Variants in SEC31A observed in about 807,000 individuals in gnomAD.
SEC31A encodes the protein SEC31 homolog A, COPII component.
SEC31A carries 70 observed loss-of-function variants against 151.0 expected under a neutral mutation model. The observed-to-expected ratio is 0.46, with a 90% CI of 0.38 to 0.57. SEC31A has a LOEUF of 0.57. Among genes scored for constraint, SEC31A ranks in the 20% least tolerant of loss-of-function variants. SEC31A has a pLI of 0.00. For synonymous variants in SEC31A, 475 were observed against 505.9 expected (o/e 0.94, Z 0.82); for missense variants, 1,330 against 1,471.2 (o/e 0.90, Z 1.57).
chr4:82,824,507 G>T (rs1724104939), intron 25 of SEC31A, 48 bp downstream of exon 25: 2 of 1,595,242 alleles, frequency 1.3e-6, no homozygotes, highest in East Asian at 4.5e-5. Flanking sequence ...ACCTGGCCAA[G>T]GATTCTTCTA....
Position 82,861,674 on chromosome 4 carries a change from T to A in SEC31A, c.1583A>T (p.Asp528Val), listed in dbSNP as rs142250139. 354 of 1,611,882 alleles carry A rather than the reference T, an allele frequency of 2.2e-4. No homozygotes were observed. The African/African-American group carries it at 3.8e-3, about 17-fold the overall frequency. Residue 528 changes from aspartate (D) to valine (V), a missense_variant, in exon 14 of 27, where the codon GAT becomes GTT. Transcript: ENST00000395310. ...TTCAGCAGCAGGGCTCTCCTCCCCA[T>A]CACTCTGTGCTACTTGGTCAGAGTC... is the stretch of plus-strand genomic sequence containing the variant. ...LKDSDQVAQS[D>V]GEESPAAEEQ...
At chr4:82,866,236 C>T (rs1560639688) in intron 10 of SEC31A, among the ~76,000 whole-genome samples, 3 of 151,938 alleles carry the variant, frequency 2.0e-5, no homozygotes, top group Non-Finnish European at 2.9e-5. Context: ...TTTGGGAGGC[C>T]GAAGCGGGTG....
At chr4:82,836,797 ATATAGT>A (rs1727423212) in intron 22 of SEC31A, among the ~76,000 whole-genome samples, 1 of 152,154 alleles carries the variant, frequency 6.6e-6, no homozygotes, top group Non-Finnish European at 1.5e-5. Flanking sequence ...GGGTACAAAA[ATATAGT>A]TAGATAGAAC....
At chr4:82,827,772 A>C (rs1205776275) in intron 23 of SEC31A, 140 bp from the exon 24 acceptor site, 2 of 785,488 alleles carry the variant, frequency 2.5e-6, no homozygotes, top group Non-Finnish European at 4.1e-6. Flanking sequence ...TTTTCAAATG[A>C]AATTTTATGC....
At chr4:82,876,698 T>TACC (rs1319738330) in intron 4 of SEC31A, among the ~76,000 whole-genome samples, 1 of 152,180 alleles carries the variant, frequency 6.6e-6, no homozygotes, top group East Asian at 1.9e-4. Context: ...CTCTGGTACA[T>TACC]ACCTTAAGGG....
intron 22 of SEC31A, among the ~76,000 whole-genome samples, chr4:82,835,944 G>A (rs993457636): frequency 5.3e-5 from 8 of 152,156 alleles, no homozygotes; most frequent in African/African-American, 1.4e-4. Flanking sequence ...GCATGGATGT[G>A]GAGAAACTGA....
At chr4:82,900,561 G>A (rs906553991), upstream of SEC31A, 9 of 545,374 alleles carry the variant, frequency 1.7e-5, no homozygotes, top group East Asian at 9.3e-5. Flanking sequence ...GGGAGGAGCG[G>A]TCAAATGCAC....
chr4:82,888,984 A>G (rs1317373163), intron 1 of SEC31A, among the ~76,000 whole-genome samples: 1 of 152,256 alleles, frequency 6.6e-6, no homozygotes, highest in Non-Finnish European at 1.5e-5. Context: ...AACCAGGTAT[A>G]CAATCCCTAG....
At chr4:82,855,153 G>T (rs998775721) in intron 16 of SEC31A, 124 bp from the exon 17 acceptor site, 1 of 748,592 alleles carries the variant, frequency 1.3e-6, no homozygotes, top group East Asian at 2.9e-5. Context: ...GTATAATTTT[G>T]AATCAAATGA....
chr4:82,868,117 A>G (rs2149564625), intron 8 of SEC31A, among the ~76,000 whole-genome samples: 1 of 152,358 alleles, frequency 6.6e-6, no homozygotes, highest in East Asian at 1.9e-4. Context: ...TACTATACAC[A>G]ACCTTCCTAT....
In SEC31A at chr4:82,864,561, A is replaced by C; in HGVS notation, c.1235T>G (p.Met412Arg). 1 of 1,614,092 alleles carries C rather than the reference A, an allele frequency of 6.2e-7. No homozygotes were observed. The highest frequency in any genetic ancestry group is 8.5e-7 in the Non-Finnish European group (1 of 1,180,010). The change falls in exon 11 of 27, where the codon ATG becomes AGG. Residue 412 changes from methionine (M) to arginine (R), a missense_variant. By Grantham distance (91) the Met-to-Arg change is moderately conservative. Transcript: ENST00000395310. The stretch of plus-strand genomic sequence containing the variant: ...CTGCTCAGCTCCCTGATGAGAAGGC[A>C]TTCTGACATTCTCAAACGTAACCAG... ...GKLVTFENVRMPSHQGAEQQQ... is the reference protein window; with the variant it reads ...GKLVTFENVRRPSHQGAEQQQ...
rs1287852821 is a variant in SEC31A, at chr4:82,881,900, C to T, written c.37G>A (p.Ala13Thr). ...GGGTGATTCTGGGCAGGGCTCCATGCCTGCATGGCTGTACGATCTACTTCC... is the reference window on the plus strand; with the variant it reads ...GGGTGATTCTGGGCAGGGCTCCATGTCTGCATGGCTGTACGATCTACTTCC... Reference protein sequence around the residue: ...LKEVDRTAMQAWSPAQNHPIY... With the variant: ...LKEVDRTAMQTWSPAQNHPIY... Residue 13 changes from alanine (A) to threonine (T), a missense_variant, in exon 2 of 27, where the codon GCA becomes ACA. Ala to Thr is a moderately conservative substitution (Grantham distance 58). Coordinates refer to ENST00000395310, the MANE Select transcript of SEC31A (RefSeq NM_001077207.4). The T allele has an allele frequency of 2.5e-6, 4 of 1,614,146 alleles. No individual in the cohort carries two copies. In the South Asian group the frequency reaches 4.4e-5, roughly 18 times the overall value.
At chr4:82,835,199 C>G (rs1726919130) in intron 22 of SEC31A, among the ~76,000 whole-genome samples, 2 of 152,116 alleles carry the variant, frequency 1.3e-5, no homozygotes, top group Admixed American at 6.6e-5. Flanking sequence ...ATAGAGACAT[C>G]CTTTAATAGC....
intron 4 of SEC31A, 108 bp downstream of exon 4, chr4:82,878,622 C>A: frequency 2.3e-6 from 2 of 866,428 alleles, no homozygotes; most frequent in South Asian, 1.7e-5. Context: ...ACCTGTATAG[C>A]CACAGTTTTT....
rs1262067654 is a variant in SEC31A at position 82,857,015 on chromosome 4, T to A, written c.1818A>T (p.Gly606=). The part of the protein sequence containing the change: ...ADAIILAIAG[G]QELLARTQKK... ...TCTGGGTTCGAGCCAAGAGTTCTTG[T>A]CCACCTGCTATGGCCAATATAATGG... is the stretch of plus-strand genomic sequence containing the variant. Residue 606 remains glycine (G), a synonymous_variant, in exon 16 of 27, where the codon GGA becomes GGT. Transcript: ENST00000395310. The A allele has an allele frequency of 3.7e-6, 6 of 1,613,862 alleles. No homozygotes were observed. The highest frequency in any genetic ancestry group is 1.3e-5 in the African/African-American group (1 of 74,932).
chr4:82,863,598 G>A (rs1291446733), intron 11 of SEC31A, among the ~76,000 whole-genome samples: 1 of 151,792 alleles, frequency 6.6e-6, no homozygotes, highest in Admixed American at 6.6e-5. Flanking sequence ...GAGAACATGT[G>A]CCCAGAATTA....
chr4:82,838,883 T>C (rs896418122), intron 22 of SEC31A, among the ~76,000 whole-genome samples: 60 of 152,214 alleles, frequency 3.9e-4, no homozygotes, highest in Non-Finnish European at 7.8e-4. Flanking sequence ...TGAAAGTCTC[T>C]CCTATCTGTC....
chr4:82,845,282 G>T, intron 20 of SEC31A: 1 of 1,522,420 alleles, frequency 6.6e-7, no homozygotes, highest in Non-Finnish European at 8.8e-7. Flanking sequence ...TGACAGTAGG[G>T]GCAATTCTAA....
rs1413994348 is a variant in SEC31A at position 82,874,622 on chromosome 4, G to A, written c.628C>T (p.His210Tyr). The A allele has an allele frequency of 6.2e-7, 1 of 1,609,446 alleles. No individual in the cohort carries two copies. Among genetic ancestry groups the A allele is most frequent in the Non-Finnish European group, 8.5e-7 (1 of 1,179,166 alleles). Residue 210 changes from histidine (H) to tyrosine (Y), a missense_variant, in exon 6 of 27, where the codon CAT becomes TAT. Physicochemically the swap from His to Tyr is moderately conservative, Grantham distance 83. Coordinates refer to ENST00000395310, the MANE Select transcript of SEC31A (RefSeq NM_001077207.4). The stretch of plus-strand genomic sequence containing the variant: ...AATCACATACTTACTCTGTTACTAT[G>A]GTCACTGACTTTGATGATTGGCTCA... ...KNEPIIKVSD[H>Y]SNRMHCSGLA...
Sources: allele counts gnomAD v4.1 joint callset (sites outside exome capture counted in the v4.1 genomes callset), GRCh38; gene constraint gnomAD v4.1.1; transcripts MANE v1.5; gene names NCBI Gene and HGNC (gene_info 2026-07-23, HGNC 2026-07-21).